Variants in MAP4K4 observed in about 807,000 individuals in gnomAD.
The protein encoded by MAP4K4 is mitogen-activated protein kinase kinase kinase kinase 4.
In MAP4K4, 38 loss-of-function variants were observed where a neutral mutation model predicts 189.6. That is an observed-to-expected ratio of 0.20 (90% confidence interval 0.15 to 0.26). MAP4K4 has a LOEUF of 0.26. Among genes scored for constraint, MAP4K4 ranks in the 10% least tolerant of loss-of-function variants. The pLI, the probability that MAP4K4 is intolerant of heterozygous loss-of-function variation, is 1.00. For synonymous variants in MAP4K4, 610 were observed against 624.3 expected (o/e 0.98, Z 0.34); for missense variants, 1,054 against 1,726.9 (o/e 0.61, Z 6.91).
exon 28 of MAP4K4, chr2:101,882,585 C>T: frequency 1.2e-6 from 2 of 1,605,098 alleles, no homozygotes; most frequent in Non-Finnish European, 1.7e-6. Context: ...ACTATTTGTC[C>T]TGGTTAAGAA....
At chr2:101,848,234 A>G (rs912229572) in intron 12 of MAP4K4, among the ~76,000 whole-genome samples, 1 of 152,218 alleles carries the variant, frequency 6.6e-6, no homozygotes, top group African/African-American at 2.4e-5. Flanking sequence ...TGTAAATGCC[A>G]TGCAAATACC....
intron 2 of MAP4K4, among the ~76,000 whole-genome samples, chr2:101,718,568 G>A (rs1242928416): frequency 7.9e-6 from 1 of 127,222 alleles, no homozygotes; most frequent in Non-Finnish European, 1.7e-5. Context: ...GGAAGGTGGG[G>A]GTGGGGGGGT....
intron 2 of MAP4K4, among the ~76,000 whole-genome samples, chr2:101,780,241 T>C (rs1344056203): frequency 6.6e-6 from 1 of 152,202 alleles, no homozygotes; most frequent in Non-Finnish European, 1.5e-5. Flanking sequence ...GAGCCCAGAA[T>C]GGAATCTGAA....
intron 9 of MAP4K4, among the ~76,000 whole-genome samples, chr2:101,836,981 T>C (rs552339435): frequency 6.6e-6 from 1 of 152,266 alleles, no homozygotes; most frequent in Admixed American, 6.5e-5. Flanking sequence ...TGAATTTCTT[T>C]CTGGGTCCTT....
At chr2:101,711,026 C>G (rs2045204481) in intron 2 of MAP4K4, among the ~76,000 whole-genome samples, 1 of 152,164 alleles carries the variant, frequency 6.6e-6, no homozygotes, top group Non-Finnish European at 1.5e-5. Flanking sequence ...TGAACATTCT[C>G]ATATGGGTGA....
At chr2:101,794,509 C>G (rs2093437782) in intron 3 of MAP4K4, among the ~76,000 whole-genome samples, 1 of 152,156 alleles carries the variant, frequency 6.6e-6, no homozygotes, top group Admixed American at 6.5e-5. Flanking sequence ...CTCGGCTGTT[C>G]ACTTATATTC....
chr2:101,834,877 C>G (rs969889473), intron 8 of MAP4K4, among the ~76,000 whole-genome samples: 5 of 152,016 alleles, frequency 3.3e-5, no homozygotes, highest in Admixed American at 6.5e-5. Flanking sequence ...ATTTTTTGTG[C>G]GTGTTAACTG....
chr2:101,829,498 A>T lies in MAP4K4; in HGVS notation c.418-6A>T. ...ACTAAAATTCAGGTCTGTCTTTCCT[A>T]TTCAGGGACTGGCACATCTTCACAT... On this transcript the variant is annotated splice_region_variant and splice_polypyrimidine_tract_variant and intron_variant, in intron 5 of 32. Coordinates refer to ENST00000324219, the Ensembl canonical transcript of MAP4K4. 6.2e-7 allele frequency: 1 copy of T among 1,601,188 alleles called. No homozygotes were observed. The highest frequency in any genetic ancestry group is 1.1e-5 in the South Asian group (1 of 89,002).
chr2:101,842,781 T>C, intron 11 of MAP4K4, 100 bp downstream of exon 11: 1 of 772,408 alleles, frequency 1.3e-6, no homozygotes, highest in South Asian at 2.2e-5. Flanking sequence ...CAAAGAATCT[T>C]AAATTACTTA....
intron 3 of MAP4K4, 32 bp downstream of exon 3, chr2:101,790,808 T>A: frequency 2.0e-6 from 3 of 1,534,186 alleles, no homozygotes; most frequent in Non-Finnish European, 1.8e-6. Context: ...TTTTAAATAA[T>A]GTTAGATGGA....
At chr2:101,829,415 A>C in intron 5 of MAP4K4, 89 bp from the exon 6 acceptor site, 1 of 814,500 alleles carries the variant, frequency 1.2e-6, no homozygotes, top group South Asian at 1.5e-5. Flanking sequence ...CCTTTGGTCC[A>C]CATGTGCACT....
chr2:101,712,180 T>C (rs978858198), intron 2 of MAP4K4, among the ~76,000 whole-genome samples: 1 of 151,952 alleles, frequency 6.6e-6, no homozygotes, highest in African/African-American at 2.4e-5. Flanking sequence ...TACATTTCAC[T>C]TTTATTTATT....
intron 28 of MAP4K4, among the ~76,000 whole-genome samples, chr2:101,883,337 C>CT (rs892048138): frequency 9.9e-4 from 145 of 146,718 alleles, no homozygotes; most frequent in African/African-American, 1.7e-3. Flanking sequence ...AACCAAAACT[C>CT]TTTTTTTTTT....
intron 2 of MAP4K4, among the ~76,000 whole-genome samples, chr2:101,787,908 A>G (rs1575563384): frequency 1.3e-5 from 2 of 151,536 alleles, no homozygotes; most frequent in African/African-American, 2.4e-5. Context: ...GGTTCAAGCA[A>G]TTCTCCTGCC....
intron 2 of MAP4K4, 86 bp downstream of exon 2, chr2:101,698,624 A>T: frequency 7.6e-7 from 1 of 1,315,476 alleles, no homozygotes; most frequent in Non-Finnish European, 1.1e-6. Flanking sequence ...CATGCTGCTG[A>T]CTGGAGGCCA....
intron 17 of MAP4K4, 149 bp downstream of exon 17, chr2:101,864,200 G>C (rs1475455161): frequency 2.9e-6 from 1 of 339,686 alleles, no homozygotes; most frequent in East Asian, 7.9e-5. Context: ...TGAGGATAAA[G>C]TTCCATAGTT....
chr2:101,709,362 C>T (rs116622311), intron 2 of MAP4K4, among the ~76,000 whole-genome samples: 1 of 152,164 alleles, frequency 6.6e-6, no homozygotes, highest in East Asian at 1.9e-4. Context: ...GCTACCACGC[C>T]CAGCTAATTT....
chr2:101,884,090 A>G (rs1014987751), intron 28 of MAP4K4, among the ~76,000 whole-genome samples: 1 of 152,206 alleles, frequency 6.6e-6, no homozygotes, highest in Admixed American at 6.5e-5. Context: ...CCAGAACAAA[A>G]CAGTAGGCCT....
intron 3 of MAP4K4, among the ~76,000 whole-genome samples, chr2:101,802,290 A>G (rs1249851029): frequency 2.0e-5 from 3 of 152,110 alleles, no homozygotes; most frequent in African/African-American, 7.2e-5. Context: ...TCCTGCCTCC[A>G]TGCTTGTTCT....
Sources: allele counts gnomAD v4.1 joint callset (sites outside exome capture counted in the v4.1 genomes callset), GRCh38; gene constraint gnomAD v4.1.1; transcripts MANE v1.5; gene names NCBI Gene and HGNC (gene_info 2026-07-23, HGNC 2026-07-21).